OSGIN1: variants seen among roughly 807,000 people sequenced by gnomAD.
The protein encoded by OSGIN1 is oxidative stress-induced growth inhibitor 1.
Under a neutral mutation model 20.1 loss-of-function variants are expected in OSGIN1, and 19 were observed. That is an observed-to-expected ratio of 0.95 (90% CI 0.66 to 1.39). The LOEUF is 1.39. Ranked by LOEUF, OSGIN1 falls within the 40% of genes most tolerant of loss-of-function variation. The pLI is 0.00. For synonymous variants in OSGIN1, 368 were observed against 297.8 expected (o/e 1.24, Z -2.43); for missense variants, 820 against 653.0 (o/e 1.26, Z -2.79).
intron 2 of OSGIN1, 53 bp from the exon 3 acceptor site, chr16:83,959,207 G>A: frequency 7.4e-7 from 1 of 1,345,178 alleles, no homozygotes; most frequent in Non-Finnish European, 1.1e-6. Context: ...CTCCACAGTA[G>A]TGTCCCCCAC....
Position 83,965,347 on chromosome 16 carries a change from CG to C in OSGIN1, c.778del (p.Glu260ArgfsTer22). The C allele has an allele frequency of 1.9e-6, 3 of 1,571,710 alleles. No individual in the cohort carries two copies. Among genetic ancestry groups the C allele is most frequent in the Non-Finnish European group, 1.7e-6 (2 of 1,160,740 alleles). On this transcript the variant is annotated frameshift_variant, in exon 6 of 6. Coordinates refer to ENST00000393306, the MANE Select transcript of OSGIN1 (RefSeq NM_182981.3). LOFTEE classifies it low-confidence loss of function (END_TRUNC). ...FDSPARLGIP[G>X]EALPFIHHEL... is the part of the protein sequence containing the mutation. ...ACAGCCCGGCCCGGCTGGGCATCCC[CG>C]GGGAGGCCCTGCCCTTCATCCACCA...
At chr16:83,961,848 C>T (rs1293016944) in intron 5 of OSGIN1, among the ~76,000 whole-genome samples, 1 of 152,248 alleles carries the variant, frequency 6.6e-6, no homozygotes, top group East Asian at 1.9e-4. Flanking sequence ...TGCCCCGTGC[C>T]TCTGGCACAG....
At chr16:83,961,478 G>A (rs954931734) in intron 5 of OSGIN1, among the ~76,000 whole-genome samples, 5 of 152,136 alleles carry the variant, frequency 3.3e-5, no homozygotes, top group African/African-American at 1.2e-4. Context: ...GGGTGACTTG[G>A]AATGGAATGG....
At position 83,957,708 on chromosome 16, in the gene OSGIN1, A is replaced by C. The variant is rs148139055; in HGVS notation, c.37A>C (p.Ser13Arg). The C allele has an allele frequency of 4.8e-3, 7,669 of 1,605,106 alleles. 22 individuals are homozygous for C. Among genetic ancestry groups the C allele is most frequent in the Non-Finnish European group, 5.3e-3 (6,215 of 1,175,484 alleles). The part of the protein sequence containing the change: ...SSRKDHLGAS[S>R]SEPLPVIIVG... Reference sequence around the variant, plus strand: ...CAGAAAGGACCACCTCGGCGCCAGCAGCTCAGAGCCCCTCCCGGTCATCAT... The same window carrying C: ...CAGAAAGGACCACCTCGGCGCCAGCCGCTCAGAGCCCCTCCCGGTCATCAT... Residue 13 changes from serine to arginine, a missense_variant, in exon 2 of 6, where the codon AGC becomes CGC. Transcript: ENST00000393306.
chr16:83,959,191 A>G (rs1418995835), intron 2 of OSGIN1, 69 bp from the exon 3 acceptor site: 6 of 1,099,930 alleles, frequency 5.5e-6, no homozygotes, highest in Non-Finnish European at 8.2e-6. Flanking sequence ...CATCTAGATC[A>G]AAGCCCTCCA....
At chr16:83,962,087 T>C (rs1285691882) in intron 5 of OSGIN1, among the ~76,000 whole-genome samples, 9 of 151,730 alleles carry the variant, frequency 5.9e-5, no homozygotes, top group Non-Finnish European at 4.4e-5. Context: ...GGAAAACAGC[T>C]CACCCCAAAC....
rs1451245004 is a variant in OSGIN1 at position 83,953,333 on chromosome 16, G to C, written c.-70G>C. 7.8e-7 allele frequency: 1 copy of C among 1,288,926 alleles called. No homozygotes were observed. The highest frequency in any genetic ancestry group is 1.2e-5 in the South Asian group (1 of 80,988). 79.8% of individuals were successfully genotyped at this position (1,288,926 alleles called of 1,614,324 possible). On this transcript the variant is annotated 5_prime_UTR_variant, in exon 1 of 6. Transcript: ENST00000393306. ...CCCTGACCCTCCTAGTGCACAACTTGGCCGGGCTCACTGGGCTCCTGCACC... is the reference window on the plus strand; with the variant it reads ...CCCTGACCCTCCTAGTGCACAACTTCGCCGGGCTCACTGGGCTCCTGCACC...
In OSGIN1 at chr16:83,965,408, G is replaced by A; in HGVS notation, c.835G>A (p.Gly279Ser). The A allele has an allele frequency of 6.3e-7, 1 of 1,577,650 alleles. No individual in the cohort carries two copies. The highest frequency in any genetic ancestry group is 8.6e-7 in the Non-Finnish European group (1 of 1,164,924). The change falls in exon 6 of 6, where the codon GGT (glycine) becomes AGT (serine). Residue 279 changes from glycine to serine, a missense_variant. Transcript: ENST00000393306. ...TGCCCTGGAGGCCGCCACAAGGGTG[G>A]GTGCGGTGACCCCGGCCTCAGACCC... is the stretch of plus-strand genomic sequence containing the variant. The part of the protein sequence containing the change: ...LSALEAATRV[G>S]AVTPASDPVL...
chr16:83,957,955 C>G (rs1909023876), intron 2 of OSGIN1, among the ~76,000 whole-genome samples: 1 of 152,198 alleles, frequency 6.6e-6, no homozygotes, highest in Non-Finnish European at 1.5e-5. Flanking sequence ...TGGTTCACTG[C>G]AACCTCTCCC....
chr16:83,962,573 C>G (rs375690158), intron 5 of OSGIN1, among the ~76,000 whole-genome samples: 2 of 152,210 alleles, frequency 1.3e-5, no homozygotes, highest in East Asian at 1.9e-4. Context: ...AGGTTGAAGA[C>G]GCACAACCAT....
chr16:83,959,375 G>T lies in OSGIN1; in HGVS notation c.183G>T (p.Pro61=). 2 of 1,613,708 alleles carry T rather than the reference G, an allele frequency of 1.2e-6. No individual in the cohort carries two copies. Among genetic ancestry groups the T allele is most frequent in the Non-Finnish European group, 1.7e-6 (2 of 1,179,916 alleles). ...PLLQRKLTEA[P]GVSILDQDLD... is the part of the protein sequence containing the mutation. ...TGCAGAGGAAGCTCACCGAGGCCCC[G>T]GGGGTCTCCATCCTGGACCAGGTGG... The change falls in exon 3 of 6, where the codon CCG becomes CCT. Residue 61 remains proline (P), a synonymous_variant. Coordinates refer to ENST00000393306, the MANE Select transcript of OSGIN1 (RefSeq NM_182981.3).
intron 5 of OSGIN1, among the ~76,000 whole-genome samples, chr16:83,963,986 T>A (rs1239418000): frequency 6.7e-6 from 1 of 148,860 alleles, no homozygotes; most frequent in African/African-American, 2.4e-5. Context: ...TGGGAGTCTT[T>A]AAATCAACTT....
At chr16:83,953,633 G>A (rs1375003334) in intron 1 of OSGIN1, among the ~76,000 whole-genome samples, 1 of 152,222 alleles carries the variant, frequency 6.6e-6, no homozygotes, top group Non-Finnish European at 1.5e-5. Context: ...CAGTCCCAGC[G>A]TACCCTGGGC....
intron 5 of OSGIN1, among the ~76,000 whole-genome samples, chr16:83,961,629 T>A (rs1431057807): frequency 6.6e-6 from 1 of 152,160 alleles, no homozygotes; most frequent in Non-Finnish European, 1.5e-5. Flanking sequence ...GTCTTCCTCT[T>A]CTTCCAGAGG....
chr16:83,956,592 G>A (rs997338335), intron 1 of OSGIN1, among the ~76,000 whole-genome samples: 1 of 152,220 alleles, frequency 6.6e-6, no homozygotes, highest in Non-Finnish European at 1.5e-5. Flanking sequence ...AGCCAGCTGT[G>A]TGACACTGAG....
At chr16:83,954,758 T>C (rs1908846331) in intron 1 of OSGIN1, 1 of 984,740 alleles carries the variant, frequency 1.0e-6, no homozygotes, top group Admixed American at 6.1e-5. Flanking sequence ...GCCCTGGTGG[T>C]AAACCAGTGT....
chr16:83,962,346 C>G (rs989127116), intron 5 of OSGIN1, among the ~76,000 whole-genome samples: 8 of 152,222 alleles, frequency 5.3e-5, no homozygotes, highest in African/African-American at 1.9e-4. Flanking sequence ...TCAAGCCATT[C>G]TCCTGCCCCA....
At chr16:83,959,648 G>C (rs1442442443) in intron 3 of OSGIN1, among the ~76,000 whole-genome samples, 1 of 152,184 alleles carries the variant, frequency 6.6e-6, no homozygotes, top group South Asian at 2.1e-4. Flanking sequence ...TCCTCGGGGG[G>C]CACCTGGCAA....
At position 83,966,070 on chromosome 16, in the gene OSGIN1, G is replaced by A; in HGVS notation, c.*63G>A. The A allele has an allele frequency of 7.7e-7, 1 of 1,299,544 alleles. No individual in the cohort carries two copies. Among genetic ancestry groups the A allele is most frequent in the Non-Finnish European group, 1.0e-6 (1 of 969,018 alleles). 80.5% of individuals were successfully genotyped at this position (1,299,544 alleles called of 1,614,324 possible). A position where few individuals can be genotyped will look rare whatever the true frequency, so the allele number is the denominator to read the frequency against. On this transcript the variant is annotated 3_prime_UTR_variant, in exon 6 of 6. Coordinates refer to ENST00000393306, the MANE Select transcript of OSGIN1 (RefSeq NM_182981.3). ...GACAGAGATGACCACATCCCTGCTGGATGCAGGACCCGTCCAAAGATGCCC... is the reference window on the plus strand; with the variant it reads ...GACAGAGATGACCACATCCCTGCTGAATGCAGGACCCGTCCAAAGATGCCC...
Sources: allele counts gnomAD v4.1 joint callset (sites outside exome capture counted in the v4.1 genomes callset), GRCh38; gene constraint gnomAD v4.1.1; transcripts MANE v1.5; gene names NCBI Gene and HGNC (gene_info 2026-07-23, HGNC 2026-07-21).